VANGL1: variants seen among roughly 807,000 people sequenced by gnomAD.
VANGL1 encodes the protein VANGL planar cell polarity protein 1.
In VANGL1, 18 loss-of-function variants were observed where a neutral mutation model predicts 48.4. The observed-to-expected ratio is 0.37, with a 90% confidence interval of 0.26 to 0.55. VANGL1 has a LOEUF of 0.55. VANGL1 is among the 20% of genes least tolerant of loss of function. The pLI is 0.81. For synonymous variants in VANGL1, 257 were observed against 261.8 expected (o/e 0.98, Z 0.18); for missense variants, 667 against 675.8 (o/e 0.99, Z 0.14).
intron 1 of VANGL1, among the ~76,000 whole-genome samples, chr1:115,646,108 A>G (rs2101290247): frequency 6.6e-6 from 1 of 152,302 alleles, no homozygotes; most frequent in African/African-American, 2.4e-5. Context: ...ATGAGTGAAC[A>G]TGACTTTAGG....
chr1:115,675,703 A>G (rs1653135588), intron 4 of VANGL1, among the ~76,000 whole-genome samples: 1 of 152,172 alleles, frequency 6.6e-6, no homozygotes, highest in Non-Finnish European at 1.5e-5. Flanking sequence ...AGGCAGGAGA[A>G]TTGCTCGGAC....
chr1:115,651,065 G>C (rs575456293), intron 1 of VANGL1, among the ~76,000 whole-genome samples: 2 of 152,170 alleles, frequency 1.3e-5, no homozygotes, highest in Admixed American at 1.3e-4. Flanking sequence ...TAGGGGTTCA[G>C]CTTGCTCAGC....
At chr1:115,660,381 C>T (rs907753794) in intron 3 of VANGL1, among the ~76,000 whole-genome samples, 1 of 152,148 alleles carries the variant, frequency 6.6e-6, no homozygotes, top group Non-Finnish European at 1.5e-5. Context: ...ACAGCAGCTC[C>T]GCAGCTCCAG....
Position 115,691,795 on chromosome 1 carries a change from G to A in VANGL1, c.*416G>A, listed in dbSNP as rs3811011. 0.25 allele frequency: 45,562 copies of A among 181,998 alleles called. 5,847 individuals are homozygous for A. The highest frequency in any genetic ancestry group is 0.28 in the Admixed American group (5,268 of 18,506). 11.3% of individuals were successfully genotyped at this position (181,998 alleles called of 1,614,324 possible). A position where few individuals can be genotyped will look rare whatever the true frequency, so the allele number is the denominator to read the frequency against. On this transcript the variant is annotated 3_prime_UTR_variant, in exon 8 of 8. Coordinates refer to ENST00000355485, the MANE Select transcript of VANGL1 (RefSeq NM_138959.3). ...TATTCTGTTTCAGGAAACCAGTCAC[G>A]ACACGTCCACATATGTATTTGTGTA...
intron 4 of VANGL1, 117 bp downstream of exon 4, chr1:115,664,385 C>CT: frequency 6.9e-7 from 1 of 1,458,656 alleles, no homozygotes; most frequent in Non-Finnish European, 9.1e-7. Context: ...GAGTCTGACT[C>CT]TTTTCTGGTT....
chr1:115,642,922 G>C (rs745943874), intron 1 of VANGL1, among the ~76,000 whole-genome samples: 4 of 152,240 alleles, frequency 2.6e-5, no homozygotes, highest in Admixed American at 6.5e-5. Flanking sequence ...GGTGGCGGCA[G>C]CAGTGGGGCG....
chr1:115,651,976 C>G (rs111681951), intron 2 of VANGL1, among the ~76,000 whole-genome samples: 1 of 152,036 alleles, frequency 6.6e-6, no homozygotes, highest in Non-Finnish European at 1.5e-5. Context: ...AGGATGGTCT[C>G]GATCTGACCT....
At chr1:115,678,274 G>A (rs1315402117) in intron 4 of VANGL1, among the ~76,000 whole-genome samples, 1 of 152,226 alleles carries the variant, frequency 6.6e-6, no homozygotes, top group South Asian at 2.1e-4. Context: ...AGCCAGTCCT[G>A]TGTTGGCTTT....
chr1:115,654,064 A>G (rs1037265086), intron 2 of VANGL1, among the ~76,000 whole-genome samples: 2 of 152,240 alleles, frequency 1.3e-5, no homozygotes, highest in East Asian at 3.9e-4. Flanking sequence ...TGCCCCCCAC[A>G]GGCATGAGAG....
At position 115,647,682 on chromosome 1, in the gene VANGL1, G is replaced by A. The variant is rs1303595963; in HGVS notation, c.-137-3595G>A. On this transcript the variant is annotated intron_variant, in intron 1 of 7. Coordinates refer to ENST00000355485, the MANE Select transcript of VANGL1 (RefSeq NM_138959.3). ...AGTGGTCTAGCCCTGTGTAGGTGGA[G>A]CCTGGAGGAAGTGGGTGGCTGTGAA... 5.3e-5 allele frequency among the ~76,000 whole-genome samples: 8 copies of A among 152,284 alleles called. No individual in the cohort carries two copies. In the East Asian group the frequency reaches 1.5e-3, roughly 29 times the overall value.
intron 4 of VANGL1, among the ~76,000 whole-genome samples, chr1:115,669,201 G>A (rs762278021): frequency 1.4e-4 from 21 of 152,172 alleles, no homozygotes; most frequent in Non-Finnish European, 2.5e-4. Flanking sequence ...CAAGGAGGGA[G>A]ACAGAGAAAC....
At position 115,664,070 on chromosome 1, in the gene VANGL1, G is replaced by A. The variant is rs1652678461; in HGVS notation, c.614G>A (p.Gly205Glu). 6.2e-7 allele frequency: 1 copy of A among 1,614,076 alleles called. No individual in the cohort carries two copies. Among genetic ancestry groups the A allele is most frequent in the Non-Finnish European group, 8.5e-7 (1 of 1,180,008 alleles). ...LFVVSYWLFYGVRILDSRDRN... is the reference protein window; with the variant it reads ...LFVVSYWLFYEVRILDSRDRN... ...GTGGTTTCCTATTGGCTTTTTTACG[G>A]GGTCCGCATTTTGGACTCTCGGGAC... Residue 205 changes from glycine (G) to glutamate (E), a missense_variant, in exon 4 of 8, where the codon GGG becomes GAG. Transcript: ENST00000355485.
intron 3 of VANGL1, among the ~76,000 whole-genome samples, chr1:115,661,318 T>G (rs1469483972): frequency 1.3e-5 from 2 of 152,178 alleles, no homozygotes; most frequent in African/African-American, 4.8e-5. Flanking sequence ...AATTCTCTCA[T>G]GCCCTTTCTA....
chr1:115,682,395 A>G lies in VANGL1; in HGVS notation c.844A>G (p.Asn282Asp), dbSNP rs1457285266. 6 of 1,614,190 alleles carry G rather than the reference A, an allele frequency of 3.7e-6. No individual in the cohort carries two copies. The highest frequency in any genetic ancestry group is 5.1e-6 in the Non-Finnish European group (6 of 1,180,036). ...IQRAALVVLE[N>D]YYKDFTIYNP... ...GCGAGCAGCATTGGTGGTCCTAGAA[A>G]ATTACTACAAAGATTTCACCATCTA... Residue 282 changes from asparagine to aspartate, a missense_variant, in exon 5 of 8, where the codon AAT becomes GAT. By Grantham distance (23) the Asn-to-Asp change is conservative. Transcript: ENST00000355485.
At chr1:115,690,645 T>C (rs1291844381) in intron 7 of VANGL1, among the ~76,000 whole-genome samples, 3 of 152,214 alleles carry the variant, frequency 2.0e-5, no homozygotes, top group East Asian at 1.9e-4. Context: ...TGCCAGTAAA[T>C]GGTAGCGCAT....
At chr1:115,659,866 T>G in intron 3 of VANGL1, 93 bp downstream of exon 3, 2 of 1,564,436 alleles carry the variant, frequency 1.3e-6, no homozygotes, top group South Asian at 2.2e-5. Flanking sequence ...ATTTTTGTCT[T>G]TATTTTTCTA....
At chr1:115,686,901 G>C (rs1175550023) in intron 7 of VANGL1, among the ~76,000 whole-genome samples, 1 of 140,832 alleles carries the variant, frequency 7.1e-6, no homozygotes, top group African/African-American at 2.7e-5. Context: ...TCTCTGACAG[G>C]GTTGTTGTGT....
chr1:115,664,303 C>G (rs977609609), intron 4 of VANGL1, 35 bp downstream of exon 4: 1 of 1,607,484 alleles, frequency 6.2e-7, no homozygotes, highest in African/African-American at 1.3e-5. Context: ...GAAAGGATGG[C>G]TGATGTCTTG....
At position 115,682,501 on chromosome 1, in the gene VANGL1, T is replaced by G; in HGVS notation, c.946+4T>G. On this transcript the variant is annotated splice_donor_region_variant and intron_variant, in intron 5 of 7. Coordinates refer to ENST00000355485, the MANE Select transcript of VANGL1 (RefSeq NM_138959.3). ...CTGAAAGTCTACAATGTAGATGGTA[T>G]GTGCCTTGAAAGGGTGTCCGTGGTG... 6.2e-7 allele frequency: 1 copy of G among 1,614,230 alleles called. No individual in the cohort carries two copies. The highest frequency in any genetic ancestry group is 8.5e-7 in the Non-Finnish European group (1 of 1,180,048).
Sources: gnomAD v4.1 joint callset for allele counts (sites outside exome capture counted in the v4.1 genomes callset) on GRCh38, gnomAD v4.1.1 for gene constraint, MANE v1.5 for transcripts, NCBI Gene and HGNC (gene_info 2026-07-23, HGNC 2026-07-21) for gene names.